Variants in HTRA1 observed in about 807,000 individuals in gnomAD.
The protein encoded by HTRA1 is serine protease HTRA1.
A neutral mutation model predicts 49.7 loss-of-function variants in HTRA1; 26 were observed. The observed-to-expected ratio is 0.52, with a 90% CI of 0.38 to 0.73. The LOEUF is 0.73. Among genes scored for constraint, HTRA1 ranks in the 30% least tolerant of loss-of-function variants. The pLI is 0.00. For synonymous variants in HTRA1, 291 were observed against 286.9 expected, an observed-to-expected ratio of 1.01 and a Z score of -0.14; for missense variants, 561 against 667.2, an observed-to-expected ratio of 0.84 and a Z score of 1.75.
chr10:122,481,345 T>A (rs1456556646), intron 1 of HTRA1, among the ~76,000 whole-genome samples: 1 of 152,162 alleles, frequency 6.6e-6, no homozygotes, highest in Non-Finnish European at 1.5e-5. Context: ...GTTTTACTTT[T>A]CCCTTAGCCT....
chr10:122,510,610 A>G (rs2097505155), intron 7 of HTRA1, among the ~76,000 whole-genome samples: 1 of 152,182 alleles, frequency 6.6e-6, no homozygotes. Context: ...GGTCCAGCGC[A>G]GGGAAGTGAA....
intron 1 of HTRA1, among the ~76,000 whole-genome samples, chr10:122,466,049 C>G (rs920537199): frequency 5.9e-5 from 9 of 152,168 alleles, no homozygotes; most frequent in African/African-American, 1.9e-4. Flanking sequence ...TTTTTAGGAT[C>G]GCCTGCTCCT....
intron 1 of HTRA1, among the ~76,000 whole-genome samples, chr10:122,466,528 C>T (rs1023899092): frequency 6.6e-6 from 1 of 152,174 alleles, no homozygotes; most frequent in Non-Finnish European, 1.5e-5. Flanking sequence ...TCATTGCTAG[C>T]TGAGTGCTGA....
At chr10:122,509,801 G>C (rs776207625) in intron 6 of HTRA1, among the ~76,000 whole-genome samples, 14 of 152,102 alleles carry the variant, frequency 9.2e-5, no homozygotes, top group Non-Finnish European at 1.9e-4. Flanking sequence ...GGACAGAGGG[G>C]TCACATTCCA....
intron 3 of HTRA1, 127 bp downstream of exon 3, chr10:122,489,753 G>A: frequency 1.1e-6 from 1 of 890,200 alleles, no homozygotes; most frequent in Non-Finnish European, 1.8e-6. Flanking sequence ...GCCAGTCACA[G>A]GAGGGCCTTG....
intron 1 of HTRA1, among the ~76,000 whole-genome samples, chr10:122,484,296 A>G (rs1230884825): frequency 6.6e-6 from 1 of 152,228 alleles, no homozygotes; most frequent in East Asian, 1.9e-4. Context: ...CCTGGGCTGC[A>G]GTTCAGGCTA....
At chr10:122,510,432 AGT>A (rs1255168311) in intron 7 of HTRA1, among the ~76,000 whole-genome samples, 2 of 152,206 alleles carry the variant, frequency 1.3e-5, no homozygotes, top group Admixed American at 1.3e-4. Context: ...AGGCCTGAAC[AGT>A]GTGTGCGTGG....
chr10:122,510,047 C>A, intron 6 of HTRA1, 49 bp from the exon 7 acceptor site: 2 of 1,536,412 alleles, frequency 1.3e-6, no homozygotes, highest in South Asian at 2.2e-5. Flanking sequence ...GTCCCCAGCA[C>A]CCCCACCAAC....
chr10:122,470,508 A>C (rs58077526), intron 1 of HTRA1, among the ~76,000 whole-genome samples: 37,025 of 151,832 alleles, frequency 0.24, 4,711 homozygotes, highest in East Asian at 0.45. Flanking sequence ...AAAGCATTAA[A>C]GTCCAATGAT....
intron 3 of HTRA1, among the ~76,000 whole-genome samples, chr10:122,500,998 G>A (rs74159158): frequency 1.1e-3 from 167 of 152,284 alleles, no homozygotes; most frequent in African/African-American, 4.0e-3. Context: ...GCTGACCTCT[G>A]TGTGCCCTGA....
At chr10:122,493,427 G>A (rs1377452843) in intron 3 of HTRA1, among the ~76,000 whole-genome samples, 1 of 152,200 alleles carries the variant, frequency 6.6e-6, no homozygotes, top group East Asian at 1.9e-4. Flanking sequence ...CTTTCCAAAT[G>A]CGTTTAACAT....
intron 1 of HTRA1, among the ~76,000 whole-genome samples, chr10:122,483,527 T>C (rs1330948238): frequency 6.6e-6 from 1 of 152,218 alleles, no homozygotes; most frequent in Non-Finnish European, 1.5e-5. Flanking sequence ...AGTCATTCAG[T>C]TTTTTATTTT....
At chr10:122,469,491 G>A (rs1482272268) in intron 1 of HTRA1, among the ~76,000 whole-genome samples, 3 of 152,230 alleles carry the variant, frequency 2.0e-5, no homozygotes, top group Non-Finnish European at 4.4e-5. Flanking sequence ...CTGCTTTTCT[G>A]TGGCACAGAG....
Position 122,487,312 on chromosome 10 carries a change from T to A in HTRA1, c.473-1590T>A, listed in dbSNP as rs1791015425. ...TCCAGCCTGCTTTAGCAGAGACTTG[T>A]TAAGAGGTAGCAGCAGGTGGCAAGA... On this transcript the variant is annotated intron_variant, in intron 1 of 8. Coordinates refer to ENST00000368984, the MANE Select transcript of HTRA1 (RefSeq NM_002775.5). This position sits in a 1 kb window ranked among gnomAD's most constrained non-coding sequence, Gnocchi z 4.8. Among the ~76,000 whole-genome samples the A allele has an allele frequency of 6.6e-6, 1 of 152,002 alleles. No individual in the cohort carries two copies. The highest frequency in any genetic ancestry group is 2.1e-4 in the South Asian group (1 of 4,812).
chr10:122,489,708 C>A, intron 3 of HTRA1, 82 bp downstream of exon 3: 1 of 1,319,950 alleles, frequency 7.6e-7, no homozygotes, highest in Non-Finnish European at 1.1e-6. Context: ...TCTCTGATTG[C>A]AGCTGATTCT....
chr10:122,473,929 T>C (rs1281081094), intron 1 of HTRA1, among the ~76,000 whole-genome samples: 1 of 152,204 alleles, frequency 6.6e-6, no homozygotes, highest in Non-Finnish European at 1.5e-5. Flanking sequence ...ATTAAAAATA[T>C]GCCTTTTAAG....
At position 122,514,232 on chromosome 10, in the gene HTRA1, G is replaced by A; in HGVS notation, c.1316G>A (p.Gly439Glu). Reference protein sequence around the residue: ...KENDVIISINGQSVVSANDVS... With the variant: ...KENDVIISINEQSVVSANDVS... The stretch of plus-strand genomic sequence containing the variant: ...AACGACGTCATAATCAGCATCAATG[G>A]ACAGTCCGTGGTCTCCGCCAATGAT... Residue 439 changes from glycine to glutamate, a missense_variant, in exon 9 of 9, where the codon GGA becomes GAA. Physicochemically the swap from Gly to Glu is moderately conservative, Grantham distance 98. Coordinates refer to ENST00000368984, the MANE Select transcript of HTRA1 (RefSeq NM_002775.5). 1 of 1,614,076 alleles carries A rather than the reference G, an allele frequency of 6.2e-7. No individual in the cohort carries two copies. The highest frequency in any genetic ancestry group is 1.1e-5 in the South Asian group (1 of 91,064).
chr10:122,483,722 T>C (rs1259017461), intron 1 of HTRA1, among the ~76,000 whole-genome samples: 6 of 152,268 alleles, frequency 3.9e-5, no homozygotes, highest in Non-Finnish European at 7.3e-5. Context: ...GTGGTATTTC[T>C]CTCCATTTAT....
At chr10:122,486,556 G>C (rs1591031272) in intron 1 of HTRA1, among the ~76,000 whole-genome samples, 1 of 152,138 alleles carries the variant, frequency 6.6e-6, no homozygotes, top group Admixed American at 6.6e-5. Flanking sequence ...TGGTCCTCCC[G>C]ATGTCCCTGT....
Sources: allele counts gnomAD v4.1 joint callset (sites outside exome capture counted in the v4.1 genomes callset), GRCh38; gene constraint gnomAD v4.1.1; non-coding constraint Gnocchi (gnomAD v3.1); transcripts MANE v1.5; gene names NCBI Gene and HGNC (gene_info 2026-07-23, HGNC 2026-07-21).